The following LAMB1 variants were observed in gnomAD, a reference collection of about 807,000 sequenced individuals.
LAMB1 encodes laminin subunit beta-1.
Under a neutral mutation model 222.3 loss-of-function variants are expected in LAMB1, and 121 were observed. The observed-to-expected ratio is 0.54, with a 90% CI of 0.47 to 0.63. The LOEUF (loss-of-function observed/expected upper bound fraction) is 0.63, where lower values mean the gene tolerates loss of function less well. Ranked by LOEUF, LAMB1 falls within the 30% of genes least tolerant of loss-of-function variation. The probability of loss-of-function intolerance (pLI) is 0.00; values close to 1 mark genes in which losing one functional copy is unlikely to be tolerated. For synonymous variants in LAMB1, 794 were observed against 807.2 expected, an observed-to-expected ratio of 0.98 and a Z score of 0.28; for missense variants, 2,172 against 2,240.8, an observed-to-expected ratio of 0.97 and a Z score of 0.62.
intron 31 of LAMB1, 47 bp downstream of exon 31, chr7:107,929,017 G>A (rs374442177): frequency 1.4e-5 from 22 of 1,559,750 alleles, no homozygotes; most frequent in Middle Eastern, 2.0e-4. Context: ...TCTGGTAAGT[G>A]TATATGTAGG....
Position 107,975,794 on chromosome 7 carries a change from A to G in LAMB1, c.1084T>C (p.Cys362Arg). The change falls in exon 10 of 34, where the codon TGT (cysteine) becomes CGT (arginine). Residue 362 changes from cysteine (C) to arginine (R), a missense_variant. Coordinates refer to ENST00000222399, the MANE Select transcript of LAMB1 (RefSeq NM_002291.3). ...ATGGTGTTGTGCTGACAGTCATCACACACGCCTCCGCTGACGTTCCCCGTG... is the reference window on the plus strand; with the variant it reads ...ATGGTGTTGTGCTGACAGTCATCACGCACGCCTCCGCTGACGTTCCCCGTG... ...LATGNVSGGV[C>R]DDCQHNTMGR... 1 of 1,614,108 alleles carries G rather than the reference A, an allele frequency of 6.2e-7. No individual in the cohort carries two copies. Among genetic ancestry groups the G allele is most frequent in the Non-Finnish European group, 8.5e-7 (1 of 1,180,038 alleles).
Position 107,940,315 on chromosome 7 carries a change from G to T in LAMB1, c.3435C>A (p.Asp1145Glu), listed in dbSNP as rs1483830262. Reference sequence around the variant, plus strand: ...CGCAGACACACTGGCCCGTGGACTGGTCACACTGTGGCGTCTCAATGCCCC... The same window carrying T: ...CGCAGACACACTGGCCCGTGGACTGTTCACACTGTGGCGTCTCAATGCCCC... ...DPRGIETPQC[D>E]QSTGQCVCVE... The change falls in exon 25 of 34, where the codon GAC becomes GAA. Residue 1145 changes from aspartate to glutamate, a missense_variant. Coordinates refer to ENST00000222399, the MANE Select transcript of LAMB1 (RefSeq NM_002291.3). 1.2e-6 allele frequency: 2 copies of T among 1,614,190 alleles called. No individual in the cohort carries two copies. Among genetic ancestry groups the T allele is most frequent in the Middle Eastern group, 1.6e-4 (1 of 6,062 alleles).
chr7:107,955,894 G>A (rs2033365253), intron 20 of LAMB1, among the ~76,000 whole-genome samples: 1 of 138,714 alleles, frequency 7.2e-6, no homozygotes, highest in African/African-American at 2.7e-5. Context: ...CACCACACCT[G>A]GCTGTTTTTT....
At chr7:107,932,106 T>C in intron 28 of LAMB1, 68 bp downstream of exon 28, 2 of 1,371,594 alleles carry the variant, frequency 1.5e-6, no homozygotes, top group Middle Eastern at 1.8e-4. Context: ...TTTCTCCCTT[T>C]CAGATCCTTT....
At chr7:107,926,474 G>T in intron 31 of LAMB1, 115 bp from the exon 32 acceptor site, 5 of 730,228 alleles carry the variant, frequency 6.8e-6, no homozygotes, top group Non-Finnish European at 1.1e-5. Flanking sequence ...TAGACCAAAA[G>T]AAGTAATTAC....
chr7:107,969,543 G>A (rs1434218320), intron 13 of LAMB1, among the ~76,000 whole-genome samples: 6 of 152,076 alleles, frequency 3.9e-5, no homozygotes, highest in African/African-American at 9.7e-5. Flanking sequence ...TAAGACCTAC[G>A]TCCTATAATC....
At chr7:108,000,792 T>A (rs1346408969) in intron 3 of LAMB1, among the ~76,000 whole-genome samples, 2 of 152,204 alleles carry the variant, frequency 1.3e-5, no homozygotes, top group Non-Finnish European at 2.9e-5. Flanking sequence ...TCCTCCCACC[T>A]CAGCCTCCCT....
intron 25 of LAMB1, 47 bp downstream of exon 25, chr7:107,939,942 A>ATTT: frequency 6.3e-7 from 1 of 1,575,342 alleles, no homozygotes; most frequent in Non-Finnish European, 8.6e-7. Context: ...AACTCACAAT[A>ATTT]TTTTTTCAGC....
chr7:107,964,586 T>C lies in LAMB1; in HGVS notation c.1664A>G (p.Tyr555Cys). ...PGYYFATLDHYLYEAEEANLG... is the reference protein window; with the variant it reads ...PGYYFATLDHCLYEAEEANLG... ...GTTGGCTTCCTCCGCTTCATAGAGG[T>C]AGTGATCCAGGGTGGCAAAGTAGTA... Residue 555 changes from tyrosine to cysteine, a missense_variant, in exon 14 of 34, where the codon TAC (tyrosine) becomes TGC (cysteine). Tyr to Cys is a radical substitution (Grantham distance 194). Coordinates refer to ENST00000222399, the MANE Select transcript of LAMB1 (RefSeq NM_002291.3). 1 of 1,614,094 alleles carries C rather than the reference T, an allele frequency of 6.2e-7. No homozygotes were observed. The highest frequency in any genetic ancestry group is 8.5e-7 in the Non-Finnish European group (1 of 1,180,022).
intron 20 of LAMB1, among the ~76,000 whole-genome samples, chr7:107,957,635 C>CA (rs1456696222): frequency 1.3e-5 from 2 of 152,214 alleles, no homozygotes; most frequent in Non-Finnish European, 2.9e-5. Flanking sequence ...AACTGAGGTC[C>CA]AAGGATTTCC....
intron 13 of LAMB1, among the ~76,000 whole-genome samples, chr7:107,971,917 T>C (rs530556214): frequency 1.3e-5 from 2 of 152,316 alleles, no homozygotes; most frequent in East Asian, 1.9e-4. Context: ...AGAAGGACTT[T>C]AGGAGTGATG....
rs2033540698 is a variant in LAMB1 at position 107,962,899 on chromosome 7, C to A, written c.1857+6G>T. ...CCTCCACCAGTCCACTAAGTGGTTT[C>A]TTTACCTGTGGCTCGTAGCGAATTA... is the stretch of plus-strand genomic sequence containing the variant. On this transcript the variant is annotated splice_donor_region_variant and intron_variant, in intron 15 of 33. Transcript: ENST00000222399. 1.9e-6 allele frequency: 3 copies of A among 1,610,752 alleles called. No individual in the cohort carries two copies. In the South Asian group the frequency reaches 3.3e-5, roughly 18 times the overall value.
intron 7 of LAMB1, among the ~76,000 whole-genome samples, chr7:107,983,144 T>C (rs1321916298): frequency 6.6e-6 from 1 of 152,170 alleles, no homozygotes; most frequent in Non-Finnish European, 1.5e-5. Flanking sequence ...AGAGAATGAA[T>C]GAGTAAATTA....
rs10247218 is a variant in LAMB1 at position 107,964,867 on chromosome 7, G to A, written c.1563-180C>T. On this transcript the variant is annotated intron_variant, in intron 13 of 33. Coordinates refer to ENST00000222399, the MANE Select transcript of LAMB1 (RefSeq NM_002291.3). ...GCCTATGGATTAATCCCAAACTCCAGAAGCGTGGCTGAGAACCTGGTCTTC... is the reference window on the plus strand; with the variant it reads ...GCCTATGGATTAATCCCAAACTCCAAAAGCGTGGCTGAGAACCTGGTCTTC... Among the ~76,000 whole-genome samples the A allele has an allele frequency of 0.052, 7,964 of 152,254 alleles. 712 individuals carry two copies. Among genetic ancestry groups the A allele is most frequent in the African/African-American group, 0.18 (7,540 of 41,508 alleles).
At chr7:107,959,863 G>T (rs745759148) in intron 18 of LAMB1, 29 bp from the exon 19 acceptor site, 1 of 1,604,862 alleles carries the variant, frequency 6.2e-7, no homozygotes, top group Admixed American at 1.7e-5. Context: ...CAGAACCCAT[G>T]ACACGGAGCA....
chr7:107,937,067 G>C, intron 26 of LAMB1, 26 bp downstream of exon 26: 4 of 1,585,388 alleles, frequency 2.5e-6, no homozygotes, highest in Non-Finnish European at 3.5e-6. Flanking sequence ...CATTGTCTGG[G>C]ACTATTTGCA....
In LAMB1 at chr7:107,978,178, A is replaced by G. The variant is rs1318256929; in HGVS notation, c.880-11T>C. On this transcript the variant is annotated splice_polypyrimidine_tract_variant and intron_variant, in intron 8 of 33. Coordinates refer to ENST00000222399, the MANE Select transcript of LAMB1 (RefSeq NM_002291.3). ...GCAGTGTCCGTGAACCTTGAAAGTT[A>G]TAAAAACAGGAGAGAACAAAGGAAG... 1 of 1,613,374 alleles carries G rather than the reference A, an allele frequency of 6.2e-7. No individual in the cohort carries two copies. Among genetic ancestry groups the G allele is most frequent in the Non-Finnish European group, 8.5e-7 (1 of 1,179,668 alleles).
Position 107,959,298 on chromosome 7 carries a change from C to A in LAMB1, c.2641G>T (p.Gly881Trp), listed in dbSNP as rs1444209020. The change falls in exon 20 of 34, where the codon GGG becomes TGG. Residue 881 changes from glycine to tryptophan, a missense_variant. Gly to Trp is a radical substitution (Grantham distance 184). Transcript: ENST00000222399. ...GHADDCDPVT[G>W]ECLNCQDYTM... ...TAGTCCTGGCAGTTCAAGCACTCCC[C>A]AGTCACTGGGTCGCAGTCATCGGCG... is the stretch of plus-strand genomic sequence containing the variant. 6.2e-7 allele frequency: 1 copy of A among 1,614,246 alleles called. No individual in the cohort carries two copies. The highest frequency in any genetic ancestry group is 8.5e-7 in the Non-Finnish European group (1 of 1,180,046).
intron 14 of LAMB1, 34 bp from the exon 15 acceptor site, chr7:107,963,097 T>G: frequency 6.6e-7 from 1 of 1,525,922 alleles, no homozygotes. Context: ...TATTCTGTAT[T>G]TGAAATGGAA....
Sources: gnomAD v4.1 joint callset for allele counts (sites outside exome capture counted in the v4.1 genomes callset) on GRCh38, gnomAD v4.1.1 for gene constraint, MANE v1.5 for transcripts, NCBI Gene and HGNC (gene_info 2026-07-23, HGNC 2026-07-21) for gene names.